ERC1: variants seen among roughly 807,000 people sequenced by gnomAD.
The protein encoded by ERC1 is RAB6 interacting protein 2.
Under a neutral mutation model 132.0 loss-of-function variants are expected in ERC1, and 56 were observed. That is an observed-to-expected ratio of 0.42 (90% CI 0.34 to 0.53). The LOEUF (loss-of-function observed/expected upper bound fraction) is 0.53. ERC1 is among the 20% of genes least tolerant of loss of function. The pLI, the probability that ERC1 is intolerant of heterozygous loss-of-function variation, is 0.03. For missense variants in ERC1, 1,202 were observed against 1,349.9 expected (o/e 0.89, Z 1.72); for synonymous variants, 478 against 476.1 (o/e 1.00, Z -0.05).
chr12:1,296,482 C>T (rs1310442040), intron 15 of ERC1, among the ~76,000 whole-genome samples: 3 of 134,580 alleles, frequency 2.2e-5, no homozygotes, highest in African/African-American at 2.8e-5. Context: ...GGCGCCATCT[C>T]GGCTCACTGC....
chr12:1,345,418 C>T (rs965429734), intron 15 of ERC1, among the ~76,000 whole-genome samples: 2 of 152,020 alleles, frequency 1.3e-5, no homozygotes, highest in Admixed American at 1.3e-4. Flanking sequence ...CTCCTGATCT[C>T]GTGATCTGCC....
intron 13 of ERC1, among the ~76,000 whole-genome samples, chr12:1,237,196 G>T (rs1187629447): frequency 6.6e-6 from 1 of 152,084 alleles, no homozygotes; most frequent in African/African-American, 2.4e-5. Context: ...GTTATATTAG[G>T]CTTCAGGGTT....
At chr12:1,323,192 C>G (rs1270797114) in intron 15 of ERC1, among the ~76,000 whole-genome samples, 4 of 151,590 alleles carry the variant, frequency 2.6e-5, no homozygotes, top group Non-Finnish European at 5.9e-5. Context: ...GTCTAAAGCC[C>G]GAATAATTCT....
intron 17 of ERC1, among the ~76,000 whole-genome samples, chr12:1,440,410 G>A (rs1182087224): frequency 2.0e-5 from 3 of 150,042 alleles, no homozygotes; most frequent in South Asian, 4.2e-4. Context: ...GTTTCACCGT[G>A]TTAGCCAGGA....
chr12:1,109,169 TG>T (rs1373461370), intron 4 of ERC1, among the ~76,000 whole-genome samples: 2 of 152,192 alleles, frequency 1.3e-5, no homozygotes, highest in African/African-American at 4.8e-5. Flanking sequence ...TAAAGTAGCC[TG>T]GGGAGAAACT....
At chr12:1,248,391 A>G (rs1342158108) in intron 13 of ERC1, among the ~76,000 whole-genome samples, 1 of 152,200 alleles carries the variant, frequency 6.6e-6, no homozygotes, top group East Asian at 1.9e-4. Context: ...GGACACTGTG[A>G]TAGATGATGG....
At chr12:1,010,515 T>A (rs1217749336) in intron 1 of ERC1, among the ~76,000 whole-genome samples, 1 of 149,530 alleles carries the variant, frequency 6.7e-6, no homozygotes, top group African/African-American at 2.4e-5. Flanking sequence ...ATATGATTTT[T>A]TTTTTTTTTT....
At chr12:1,411,504 C>T (rs571555208) in intron 17 of ERC1, among the ~76,000 whole-genome samples, 1 of 152,070 alleles carries the variant, frequency 6.6e-6, no homozygotes, top group Non-Finnish European at 1.5e-5. Flanking sequence ...GGGAAGCTGT[C>T]CAGATGGCTT....
chr12:1,082,187 C>T (rs982839181), intron 2 of ERC1, among the ~76,000 whole-genome samples: 1 of 152,194 alleles, frequency 6.6e-6, no homozygotes, highest in East Asian at 1.9e-4. Flanking sequence ...GCCACCATGC[C>T]TGGCTAATTT....
chr12:1,016,309 A>G (rs7974686), intron 1 of ERC1, among the ~76,000 whole-genome samples: 65,745 of 152,084 alleles, frequency 0.43, 14,574 homozygotes, highest in Middle Eastern at 0.54. Context: ...TTTGAAGTAA[A>G]CTGCTGTGTT....
At chr12:1,123,546 A>G (rs1947815695) in intron 7 of ERC1, among the ~76,000 whole-genome samples, 1 of 152,250 alleles carries the variant, frequency 6.6e-6, no homozygotes, top group African/African-American at 2.4e-5. Flanking sequence ...TAAAAGTTAT[A>G]TCAGGAAAAT....
At chr12:1,131,375 C>A (rs1248769273) in intron 7 of ERC1, among the ~76,000 whole-genome samples, 2 of 152,178 alleles carry the variant, frequency 1.3e-5, no homozygotes, top group African/African-American at 4.8e-5. Context: ...AGCCACATAT[C>A]CATGCAACTA....
intron 2 of ERC1, among the ~76,000 whole-genome samples, chr12:1,069,054 GTC>G (rs1939835334): frequency 6.6e-6 from 1 of 152,134 alleles, no homozygotes; most frequent in African/African-American, 2.4e-5. Context: ...TATTTCTCCT[GTC>G]TCAGAATGAA....
intron 2 of ERC1, among the ~76,000 whole-genome samples, chr12:1,033,637 T>C (rs1244302170): frequency 6.6e-6 from 1 of 151,562 alleles, no homozygotes; most frequent in African/African-American, 2.4e-5. Context: ...CTAATTTTTG[T>C]ATTTTTTTTT....
intron 15 of ERC1, among the ~76,000 whole-genome samples, chr12:1,296,453 C>A (rs1187550937): frequency 7.5e-6 from 1 of 132,946 alleles, no homozygotes; most frequent in East Asian, 2.3e-4. Flanking sequence ...CGCTCTTGTC[C>A]CCCAGGCTGG....
intron 7 of ERC1, among the ~76,000 whole-genome samples, chr12:1,119,601 G>A (rs904946688): frequency 6.8e-6 from 1 of 147,620 alleles, no homozygotes; most frequent in African/African-American, 2.5e-5. Context: ...GCCCAGGCTG[G>A]AGTGCAATAG....
At chr12:1,347,349 A>T (rs910277666) in intron 15 of ERC1, among the ~76,000 whole-genome samples, 2 of 152,182 alleles carry the variant, frequency 1.3e-5, no homozygotes, top group Non-Finnish European at 2.9e-5. Context: ...TAGTTTTTTT[A>T]AACTGACAAA....
At chr12:1,284,592 C>T (rs1319703073) in intron 14 of ERC1, among the ~76,000 whole-genome samples, 1 of 152,146 alleles carries the variant, frequency 6.6e-6, no homozygotes, top group Non-Finnish European at 1.5e-5. Context: ...TGCATCCTTG[C>T]CAGCATTTGT....
intron 11 of ERC1, among the ~76,000 whole-genome samples, chr12:1,189,148 A>G (rs1211921651): frequency 6.6e-6 from 1 of 152,164 alleles, no homozygotes; most frequent in Non-Finnish European, 1.5e-5. Context: ...TATGGCTGCA[A>G]GCAGTCCCCC....
Sources: allele counts gnomAD v4.1 joint callset (sites outside exome capture counted in the v4.1 genomes callset), GRCh38; gene constraint gnomAD v4.1.1; transcripts MANE v1.5; gene names NCBI Gene and HGNC (gene_info 2026-07-23, HGNC 2026-07-21).